The following NEK3 variants were observed in gnomAD, a reference collection of about 807,000 sequenced individuals.
The protein encoded by NEK3 is serine/threonine-protein kinase Nek3.
A neutral mutation model predicts 66.0 loss-of-function variants in NEK3; 54 were observed. That is an observed-to-expected ratio of 0.82 (90% confidence interval 0.66 to 1.03). The LOEUF is 1.03. Among genes scored for constraint, NEK3 ranks in the 50% least tolerant of loss-of-function variants. The pLI is 0.00. For synonymous variants in NEK3, 200 were observed against 206.2 expected (o/e 0.97, Z 0.26); for missense variants, 593 against 603.0 (o/e 0.98, Z 0.17).
chr13:52,135,137 G>A (rs1373735583), intron 14 of NEK3, among the ~76,000 whole-genome samples: 3 of 151,956 alleles, frequency 2.0e-5, no homozygotes, highest in South Asian at 4.2e-4. Context: ...ACAGACCACT[G>A]GCCTGGATTC....
intron 8 of NEK3, 89 bp from the exon 9 acceptor site, chr13:52,144,980 T>C (rs1037507842): frequency 1.2e-6 from 1 of 851,010 alleles, no homozygotes; most frequent in African/African-American, 1.7e-5. Context: ...TCTAATTTTA[T>C]AAACATATCT....
At chr13:52,140,477 G>A (rs1182314367) in intron 11 of NEK3, among the ~76,000 whole-genome samples, 6 of 151,780 alleles carry the variant, frequency 4.0e-5, no homozygotes, top group Admixed American at 6.6e-5. Flanking sequence ...GCATGGTAGC[G>A]GGTGCCTGCA....
At chr13:52,133,922 G>A in intron 14 of NEK3, 107 bp from the exon 15 acceptor site, 1 of 1,135,482 alleles carries the variant, frequency 8.8e-7, no homozygotes. Context: ...ACAATGCCAT[G>A]TCCCATAACT....
rs756648738 is a variant in NEK3, at chr13:52,148,404, G to A, written c.603+11C>T. The A allele has an allele frequency of 2.4e-5, 38 of 1,611,634 alleles. No homozygotes were observed. Among genetic ancestry groups the A allele is most frequent in the Admixed American group, 5.0e-5 (3 of 59,926 alleles). On this transcript the variant is annotated intron_variant, in intron 8 of 15. Transcript: ENST00000610828. ...ACAAGCTGCCTTTTCCATTTTGCACGCCATACTTACTGGATGCTTAAGGGT... is the reference window on the plus strand; with the variant it reads ...ACAAGCTGCCTTTTCCATTTTGCACACCATACTTACTGGATGCTTAAGGGT...
In NEK3 at chr13:52,132,951, A is replaced by G. The variant is rs1956165860; in HGVS notation, c.*191T>C. 1 of 568,878 alleles carries G rather than the reference A, an allele frequency of 1.8e-6. No homozygotes were observed. Among genetic ancestry groups the G allele is most frequent in the Non-Finnish European group, 3.1e-6 (1 of 319,494 alleles). The allele number at this position is 568,878 out of a possible 1,614,324, so 35.2% of individuals were successfully genotyped here. A position where few individuals can be genotyped will look rare whatever the true frequency, so the allele number is the denominator to read the frequency against. On this transcript the variant is annotated 3_prime_UTR_variant, in exon 16 of 16. Coordinates refer to ENST00000610828, the MANE Select transcript of NEK3 (RefSeq NM_002498.3). ...CCACTATACCTTCTCCCTTGAGTTCAAAAACTTACAGGAGTTCTAGACTTT... is the reference window on the plus strand; with the variant it reads ...CCACTATACCTTCTCCCTTGAGTTCGAAAACTTACAGGAGTTCTAGACTTT...
intron 11 of NEK3, 63 bp downstream of exon 11, chr13:52,140,957 G>A (rs1956245329): frequency 7.4e-7 from 1 of 1,354,424 alleles, no homozygotes; most frequent in African/African-American, 1.4e-5. Flanking sequence ...TGGGATTACA[G>A]GCTTGCACCA....
intron 1 of NEK3, 74 bp from the exon 2 acceptor site, chr13:52,156,322 C>T (rs1956396152): frequency 3.2e-6 from 2 of 618,892 alleles, no homozygotes; most frequent in Non-Finnish European, 5.8e-6. Flanking sequence ...AAGTAGCTCT[C>T]ATAACCATGA....
chr13:52,139,848 G>A (rs951771193), intron 11 of NEK3, among the ~76,000 whole-genome samples: 11 of 151,668 alleles, frequency 7.3e-5, no homozygotes, highest in African/African-American at 2.7e-4. Flanking sequence ...GCAGTGAGCC[G>A]TGATCACGCC....
In NEK3 at chr13:52,132,872, C is replaced by A; in HGVS notation, c.*270G>T. On this transcript the variant is annotated 3_prime_UTR_variant, in exon 16 of 16. Transcript: ENST00000610828. ...AATCACACAAGTAGGTAGTGGCACG[C>A]TAGCATCCCATTTCTGTTCTATGGG... 2 of 358,552 alleles carry A rather than the reference C, an allele frequency of 5.6e-6. No individual in the cohort carries two copies. The highest frequency in any genetic ancestry group is 1.0e-5 in the Non-Finnish European group (2 of 196,100). The allele number at this position is 358,552 out of a possible 1,614,324, so 22.2% of individuals were successfully genotyped here. A position where few individuals can be genotyped will look rare whatever the true frequency, so the allele number is the denominator to read the frequency against.
rs567323923 is a variant in NEK3 at position 52,142,795 on chromosome 13, C to T, written c.877+1120G>A. On this transcript the variant is annotated intron_variant, in intron 10 of 15. Coordinates refer to ENST00000610828, the MANE Select transcript of NEK3 (RefSeq NM_002498.3). ...TGATCTCCTACACTTCTTAATTCTTCTCCTGTATTCCATTCATAGCTACTA... is the reference window on the plus strand; with the variant it reads ...TGATCTCCTACACTTCTTAATTCTTTTCCTGTATTCCATTCATAGCTACTA... Among the ~76,000 whole-genome samples, 9 of 152,326 alleles carry T rather than the reference C, an allele frequency of 5.9e-5. No homozygotes were observed. In the South Asian group the frequency reaches 1.9e-3, roughly 32 times the overall value.
chr13:52,143,353 A>C (rs1956266976), intron 10 of NEK3, among the ~76,000 whole-genome samples: 1 of 151,944 alleles, frequency 6.6e-6, no homozygotes, highest in African/African-American at 2.4e-5. Context: ...TTCACAGCAA[A>C]ACTGAGTGGT....
chr13:52,140,819 A>G (rs1282732071), intron 11 of NEK3, among the ~76,000 whole-genome samples: 1 of 149,172 alleles, frequency 6.7e-6, no homozygotes, highest in African/African-American at 2.5e-5. Flanking sequence ...TCATAAACGT[A>G]TTTTTTTTCT....
chr13:52,135,729 C>G lies in NEK3; in HGVS notation c.1309G>C (p.Gly437Arg). ...AFQTYTIYRPGSEGFLKGPLS... is the reference protein window; with the variant it reads ...AFQTYTIYRPRSEGFLKGPLS... The stretch of plus-strand genomic sequence containing the variant: ...AAGGTCACATACAGACATGAATTAC[C>G]TGGTCTATATATTGTGTATGTTTGA... The change falls in exon 14 of 16, where the codon GGT (glycine) becomes CGT (arginine). Residue 437 changes from glycine (G) to arginine (R), a missense_variant and splice_region_variant. Transcript: ENST00000610828. 1 of 1,603,310 alleles carries G rather than the reference C, an allele frequency of 6.2e-7. No individual in the cohort carries two copies. The highest frequency in any genetic ancestry group is 8.5e-7 in the Non-Finnish European group (1 of 1,175,984).
At chr13:52,140,032 T>C (rs1956234768) in intron 11 of NEK3, among the ~76,000 whole-genome samples, 1 of 126,992 alleles carries the variant, frequency 7.9e-6, no homozygotes, top group Non-Finnish European at 1.6e-5. Flanking sequence ...CAAAATCCCA[T>C]CTCTTTAAAA....
chr13:52,141,165 T>A, intron 10 of NEK3, 96 bp from the exon 11 acceptor site: 2 of 1,132,848 alleles, frequency 1.8e-6, no homozygotes, highest in Non-Finnish European at 2.5e-6. Flanking sequence ...GAGAAGTGAG[T>A]GAGGTTATTA....
chr13:52,133,718 T>C lies in NEK3; in HGVS notation c.1407A>G (p.Arg469=). ...GHDSVILDPE[R]LEPGLDEEDT... ...CCTCCTCATCTAGCCCAGGCTCAAGTCGCTCTGGATCCAAAATGACAGAAT... is the reference window on the plus strand; with the variant it reads ...CCTCCTCATCTAGCCCAGGCTCAAGCCGCTCTGGATCCAAAATGACAGAAT... Residue 469 remains arginine, a synonymous_variant, in exon 15 of 16, where the codon CGA becomes CGG. Transcript: ENST00000610828. 1 of 1,559,798 alleles carries C rather than the reference T, an allele frequency of 6.4e-7. No individual in the cohort carries two copies. Among genetic ancestry groups the C allele is most frequent in the East Asian group, 2.4e-5 (1 of 42,160 alleles).
rs768857038 is a variant in NEK3, at chr13:52,144,905, T to C, written c.604-14A>G. Reference sequence around the variant, plus strand: ...ATTTGCCTGAAACTGAAAAGGAAAATTGAACTTTACAAGCAGATACAGGGG... The same window carrying C: ...ATTTGCCTGAAACTGAAAAGGAAAACTGAACTTTACAAGCAGATACAGGGG... On this transcript the variant is annotated splice_polypyrimidine_tract_variant and intron_variant, in intron 8 of 15. Transcript: ENST00000610828. 1.9e-6 allele frequency: 3 copies of C among 1,569,644 alleles called. No homozygotes were observed. The highest frequency in any genetic ancestry group is 2.6e-6 in the Non-Finnish European group (3 of 1,152,506).
intron 10 of NEK3, among the ~76,000 whole-genome samples, chr13:52,142,209 A>T (rs1322162916): frequency 6.6e-6 from 1 of 152,102 alleles, no homozygotes; most frequent in Non-Finnish European, 1.5e-5. Context: ...CTACCTTGAG[A>T]TGTGAACAAA....
At chr13:52,138,709 C>T (rs1191213326) in intron 11 of NEK3, among the ~76,000 whole-genome samples, 1 of 152,098 alleles carries the variant, frequency 6.6e-6, no homozygotes, top group African/African-American at 2.4e-5. Context: ...GTGGGAGGAT[C>T]ACTTAAGCCC....
Sources: allele counts gnomAD v4.1 joint callset (sites outside exome capture counted in the v4.1 genomes callset), GRCh38; gene constraint gnomAD v4.1.1; transcripts MANE v1.5; gene names NCBI Gene and HGNC (gene_info 2026-07-23, HGNC 2026-07-21).